DMD: variants seen among roughly 807,000 people sequenced by gnomAD.
DMD encodes dystrophin.
Under a neutral mutation model 330.1 loss-of-function variants are expected in DMD, and 63 were observed. The observed-to-expected ratio is 0.19, with a 90% CI of 0.16 to 0.24. The LOEUF (loss-of-function observed/expected upper bound fraction) is 0.24. DMD is among the 10% of genes least tolerant of loss of function. The pLI, the probability that DMD is intolerant of heterozygous loss-of-function variation, is 1.00. For synonymous variants in DMD, 1,223 were observed against 959.8 expected (o/e 1.27, Z -5.07); for missense variants, 3,344 against 2,684.1 (o/e 1.25, Z -5.43).
intron 55 of DMD, among the ~76,000 whole-genome samples, chrX:31,535,585 C>T (rs889558759): frequency 1.4e-4 from 15 of 107,363 alleles, no homozygotes; most frequent in African/African-American, 5.1e-4. Flanking sequence ...TGGGCAAGGA[C>T]TTCATGTCCA....
chrX:32,915,588 A>G (rs929121222), intron 2 of DMD, among the ~76,000 whole-genome samples: 1 of 111,503 alleles, frequency 9.0e-6, no homozygotes, highest in Admixed American at 9.6e-5. Context: ...ACCACCACTG[A>G]AGTCACTTCT....
rs777436737 is a variant in DMD at position 32,721,236 on chromosome X, G to C, written c.650-21943C>G. 2.2e-3 allele frequency among the ~76,000 whole-genome samples: 244 copies of C among 110,593 alleles called. 1 individual carries two copies. Among genetic ancestry groups the C allele is most frequent in the African/African-American group, 7.4e-3 (224 of 30,455 alleles). ...GTCTATACCCAGGAGTGGGATTGTT[G>C]GGTCATATGGTAGTTCTATTTTTAA... On this transcript the variant is annotated intron_variant, in intron 7 of 78. Coordinates refer to ENST00000357033, the MANE Select transcript of DMD (RefSeq NM_004006.3).
At chrX:33,233,835 G>A (rs1226120532) in intron 1 of DMD, among the ~76,000 whole-genome samples, 1 of 111,807 alleles carries the variant, frequency 8.9e-6, no homozygotes, top group East Asian at 2.8e-4. Context: ...AATTAGAGAG[G>A]TTAATTGTAA....
chrX:33,089,384 T>G (rs111259348), intron 1 of DMD, among the ~76,000 whole-genome samples: 1,826 of 110,961 alleles, frequency 0.016, 46 homozygotes, highest in African/African-American at 0.057. Flanking sequence ...CATTCTTAAC[T>G]GATTGCTCCA....
At chrX:32,947,739 T>C (rs1355782569) in intron 2 of DMD, among the ~76,000 whole-genome samples, 1 of 111,512 alleles carries the variant, frequency 9.0e-6, no homozygotes, top group Non-Finnish European at 1.9e-5. Flanking sequence ...ATGTAAATTA[T>C]TGATATATTA....
intron 47 of DMD, among the ~76,000 whole-genome samples, chrX:31,879,210 G>GGC (rs1556965810): frequency 8.9e-4 from 7 of 7,893 alleles, no homozygotes; most frequent in Non-Finnish European, 1.8e-3. Flanking sequence ...TCTACATGGC[G>GGC]GGGGGGGGCC....
rs182557778 is a variant in DMD at position 31,342,900 on chromosome X, C to T, written c.9163+5656G>A. Among the ~76,000 whole-genome samples, 409 of 111,876 alleles carry T rather than the reference C, an allele frequency of 3.7e-3. 1 individual carries two copies. The highest frequency in any genetic ancestry group is 0.012 in the African/African-American group (379 of 30,791). ...CAAGCCATTCTCCTGCCTCAGCCTC[C>T]TAAGCAGCTGGGATTACAGGCGAGT... On this transcript the variant is annotated intron_variant, in intron 61 of 78. Coordinates refer to ENST00000357033, the MANE Select transcript of DMD (RefSeq NM_004006.3).
At chrX:32,601,577 A>C (rs1476914459) in intron 12 of DMD, among the ~76,000 whole-genome samples, 1 of 111,879 alleles carries the variant, frequency 8.9e-6, no homozygotes, top group African/African-American at 3.2e-5. Context: ...GTACTCCTAC[A>C]TATGGAAAAG....
chrX:32,960,385 A>C (rs2091835011), intron 2 of DMD: 1 of 111,959 alleles, frequency 8.9e-6, no homozygotes, highest in South Asian at 3.8e-4. Flanking sequence ...TAACAGGTCA[A>C]AGCCACCTCT....
At chrX:32,023,727 G>A (rs147561606) in intron 44 of DMD, among the ~76,000 whole-genome samples, 79 of 111,568 alleles carry the variant, frequency 7.1e-4, no homozygotes, top group African/African-American at 2.2e-3. Flanking sequence ...AGAATGTGGC[G>A]CGTATACACC....
At chrX:32,681,927 A>T (rs1294462071) in intron 9 of DMD, among the ~76,000 whole-genome samples, 1 of 111,410 alleles carries the variant, frequency 9.0e-6, no homozygotes, top group Non-Finnish European at 1.9e-5. Flanking sequence ...CTGGGGGAAA[A>T]ACCCTTCCAG....
At chrX:32,133,793 C>A (rs1314572114) in intron 44 of DMD, among the ~76,000 whole-genome samples, 1 of 111,343 alleles carries the variant, frequency 9.0e-6, no homozygotes, top group Non-Finnish European at 1.9e-5. Context: ...GCATCATCTT[C>A]TCACACTTAG....
rs1569316070 is a variant in DMD, at chrX:32,616,718, TTA to T, written c.1332-2267_1332-2266del. Among the ~76,000 whole-genome samples the T allele has an allele frequency of 6.3e-3, 488 of 78,072 alleles. 19 individuals carry two copies. Among genetic ancestry groups the T allele is most frequent in the African/African-American group, 0.042 (455 of 10,956 alleles). The allele number at this position is 78,072 out of a possible 115,157, so 67.8% of individuals were successfully genotyped here. A position where few individuals can be genotyped will look rare whatever the true frequency, so the allele number is the denominator to read the frequency against. Reference sequence around the variant, plus strand: ...TTTTTTTTTTTTTTTTTTTTTTTCTTTAAAGAATGTTACTGAAACCCAAGATC... The same window carrying T: ...TTTTTTTTTTTTTTTTTTTTTTTCTTAAGAATGTTACTGAAACCCAAGATC... On this transcript the variant is annotated intron_variant, in intron 11 of 78. Transcript: ENST00000357033.
At chrX:32,723,220 G>A (rs2066512133) in intron 7 of DMD, among the ~76,000 whole-genome samples, 1 of 111,369 alleles carries the variant, frequency 9.0e-6, no homozygotes, top group Non-Finnish European at 1.9e-5. Context: ...TGTTAATGTA[G>A]TATGTCGCAT....
chrX:33,171,831 C>T (rs759337159), intron 1 of DMD, among the ~76,000 whole-genome samples: 1 of 110,792 alleles, frequency 9.0e-6, no homozygotes, highest in African/African-American at 3.3e-5. Flanking sequence ...TGTAACAGTG[C>T]CTTATTATTA....
chrX:32,392,267 T>C (rs1009593636), intron 30 of DMD, among the ~76,000 whole-genome samples: 1 of 110,897 alleles, frequency 9.0e-6, no homozygotes, highest in Non-Finnish European at 1.9e-5. Flanking sequence ...TAGTTAGTTA[T>C]TTATGTTTTG....
At chrX:31,810,977 TA>T (rs1199286915) in intron 50 of DMD, among the ~76,000 whole-genome samples, 1 of 111,819 alleles carries the variant, frequency 8.9e-6, no homozygotes, top group Non-Finnish European at 1.9e-5. Flanking sequence ...TTATTTCTGT[TA>T]AAATGCAGGA....
chrX:31,539,561 A>G (rs920558572), intron 55 of DMD, among the ~76,000 whole-genome samples: 1 of 111,981 alleles, frequency 8.9e-6, no homozygotes, highest in African/African-American at 3.2e-5. Context: ...GCATCATAAA[A>G]CTATCACATA....
At chrX:32,639,731 A>C (rs145633882) in intron 11 of DMD, among the ~76,000 whole-genome samples, 1,497 of 112,081 alleles carry the variant, frequency 0.013, 10 homozygotes, top group Middle Eastern at 0.023. Flanking sequence ...ATCTTTCCTG[A>C]CATTCCTTTG....
Sources: allele counts gnomAD v4.1 joint callset (sites outside exome capture counted in the v4.1 genomes callset), GRCh38; gene constraint gnomAD v4.1.1; transcripts MANE v1.5; gene names NCBI Gene and HGNC (gene_info 2026-07-23, HGNC 2026-07-21).